Variants in CSTPP1 observed in about 807,000 individuals in gnomAD.
The protein encoded by CSTPP1 is UPF0705 protein C11orf49.
the CSTPP1 span, among the ~76,000 whole-genome samples, chr11:47,143,913 C>G: frequency 6.6e-6 from 1 of 152,142 alleles, no homozygotes; most frequent in Non-Finnish European, 1.5e-5. Context: ...GTGGCTGGCA[C>G]AGAGTAAACT....
chr11:47,131,663 T>C, the CSTPP1 span, among the ~76,000 whole-genome samples: 1 of 152,146 alleles, frequency 6.6e-6, no homozygotes, highest in Non-Finnish European at 1.5e-5. Flanking sequence ...ACCCTAGGCT[T>C]CCTTTGGTTT....
chr11:47,020,604 A>G, the CSTPP1 span, among the ~76,000 whole-genome samples: 2 of 151,190 alleles, frequency 1.3e-5, no homozygotes, highest in East Asian at 3.9e-4. Flanking sequence ...AGGGAAGAAA[A>G]CTATCTTTCC....
the CSTPP1 span, among the ~76,000 whole-genome samples, chr11:47,097,226 G>A: frequency 9.5e-6 from 1 of 105,084 alleles, no homozygotes; most frequent in Admixed American, 1.0e-4. Flanking sequence ...CCCCTACTGG[G>A]AAGTGAGGAG....
At chr11:47,038,636 C>A in the CSTPP1 span, among the ~76,000 whole-genome samples, 2 of 115,734 alleles carry the variant, frequency 1.7e-5, no homozygotes, top group African/African-American at 5.3e-5. Context: ...GGGGTCTGAC[C>A]CCCCCACCTC....
the CSTPP1 span, among the ~76,000 whole-genome samples, chr11:47,147,812 A>C: frequency 6.6e-6 from 1 of 152,186 alleles, no homozygotes; most frequent in Non-Finnish European, 1.5e-5. Context: ...CTCCATAAAG[A>C]TACTCACTGA....
the CSTPP1 span, among the ~76,000 whole-genome samples, chr11:47,063,623 A>G: frequency 6.6e-6 from 1 of 152,192 alleles, no homozygotes; most frequent in African/African-American, 2.4e-5. Context: ...GATGTTTTCA[A>G]AGTGCATCCA....
the CSTPP1 span, chr11:47,161,545 G>A: frequency 8.7e-6 from 14 of 1,614,008 alleles, no homozygotes; most frequent in Non-Finnish European, 1.1e-5. Flanking sequence ...CCCCTCCCCG[G>A]GTTGGCTCTC....
the CSTPP1 span, among the ~76,000 whole-genome samples, chr11:47,002,340 C>A: frequency 6.6e-6 from 1 of 152,188 alleles, no homozygotes; most frequent in Non-Finnish European, 1.5e-5. Flanking sequence ...AGCAAAAAGA[C>A]TACAGGGAGC....
chr11:46,955,530 A>C, the CSTPP1 span, among the ~76,000 whole-genome samples: 2 of 151,552 alleles, frequency 1.3e-5, no homozygotes, highest in African/African-American at 4.8e-5. Flanking sequence ...CACCTGGCTA[A>C]TTTTTTTGTA....
the CSTPP1 span, among the ~76,000 whole-genome samples, chr11:46,945,417 C>A: frequency 6.6e-6 from 1 of 151,998 alleles, no homozygotes; most frequent in Non-Finnish European, 1.5e-5. Context: ...GAGTTCGAGA[C>A]CAGCTTGGCC....
the CSTPP1 span, chr11:46,936,941 G>A: frequency 8.0e-7 from 1 of 1,248,754 alleles, no homozygotes; most frequent in South Asian, 1.8e-5. Flanking sequence ...GTCTGAGTGG[G>A]ATCGGGTCCG....
the CSTPP1 span, among the ~76,000 whole-genome samples, chr11:47,073,090 GTC>G: frequency 6.6e-6 from 1 of 152,142 alleles, no homozygotes; most frequent in South Asian, 2.1e-4. Flanking sequence ...TTTTTATATT[GTC>G]TGAGTTTTTA....
At chr11:47,072,752 CAT>C in the CSTPP1 span, among the ~76,000 whole-genome samples, 2 of 152,008 alleles carry the variant, frequency 1.3e-5, no homozygotes, top group African/African-American at 2.4e-5. Context: ...CAAAATAATT[CAT>C]AGTCTGAAAA....
At chr11:47,045,774 T>C in the CSTPP1 span, among the ~76,000 whole-genome samples, 1 of 152,046 alleles carries the variant, frequency 6.6e-6, no homozygotes, top group East Asian at 1.9e-4. Context: ...AAAGTAGTCA[T>C]TTTTTTCTTT....
the CSTPP1 span, among the ~76,000 whole-genome samples, chr11:47,043,228 C>T: frequency 6.6e-6 from 1 of 152,136 alleles, no homozygotes; most frequent in Non-Finnish European, 1.5e-5. Context: ...ATGACTGCTA[C>T]CTGAGAAATG....
the CSTPP1 span, among the ~76,000 whole-genome samples, chr11:47,085,629 C>A: frequency 6.6e-6 from 1 of 152,082 alleles, no homozygotes; most frequent in Non-Finnish European, 1.5e-5. Flanking sequence ...GTGGCTCATG[C>A]ATGAAATCTC....
At chr11:47,101,220 C>T in the CSTPP1 span, among the ~76,000 whole-genome samples, 1 of 118,058 alleles carries the variant, frequency 8.5e-6, no homozygotes, top group Non-Finnish European at 1.6e-5. Context: ...GGGGTTTCAC[C>T]ATGTTGGTCA....
At chr11:47,145,671 A>G in the CSTPP1 span, among the ~76,000 whole-genome samples, 1 of 152,130 alleles carries the variant, frequency 6.6e-6, no homozygotes, top group African/African-American at 2.4e-5. Context: ...TTGTTCTGTC[A>G]CACAGGCTGG....
chr11:47,067,615 C>T, the CSTPP1 span, among the ~76,000 whole-genome samples: 2 of 152,358 alleles, frequency 1.3e-5, no homozygotes, highest in East Asian at 1.9e-4. Flanking sequence ...TGCCCCTCCA[C>T]GTGAGGACAC....
Sources: allele counts gnomAD v4.1 joint callset (sites outside exome capture counted in the v4.1 genomes callset), GRCh38; gene constraint gnomAD v4.1.1; transcripts MANE v1.5; gene names NCBI Gene and HGNC (gene_info 2026-07-23, HGNC 2026-07-21).